Variants in PCDHGA7 observed in about 807,000 individuals in gnomAD.
The protein encoded by PCDHGA7 is protocadherin gamma subfamily A, 7, also known as protocadherin gamma-A7.
PCDHGA7 carries 44 observed loss-of-function variants against 58.3 expected under a neutral mutation model. That is an observed-to-expected ratio of 0.75 (90% CI 0.59 to 0.97). The LOEUF is 0.97. Ranked by LOEUF, PCDHGA7 falls within the 50% of genes least tolerant of loss-of-function variation. PCDHGA7 has a pLI of 0.00. For missense variants in PCDHGA7, 1,266 were observed against 1,188.7 expected, an observed-to-expected ratio of 1.06 and a Z score of -0.96; for synonymous variants, 516 against 504.2, an observed-to-expected ratio of 1.02 and a Z score of -0.31.
intron 1 of PCDHGA7, among the ~76,000 whole-genome samples, chr5:141,456,297 A>G (rs537379475): frequency 6.6e-6 from 1 of 152,274 alleles, no homozygotes; most frequent in African/African-American, 2.4e-5. Context: ...CGTCTAATGG[A>G]GAACAGCAGC....
At chr5:141,409,351 G>A (rs756967611) in intron 1 of PCDHGA7, 7 of 1,613,982 alleles carry the variant, frequency 4.3e-6, no homozygotes, top group Non-Finnish European at 5.9e-6. Flanking sequence ...GAGAAGTCAG[G>A]TGTAATATAG....
At chr5:141,385,452 G>C in intron 1 of PCDHGA7, 129 bp downstream of exon 1, 2 of 1,446,532 alleles carry the variant, frequency 1.4e-6, no homozygotes, top group Non-Finnish European at 1.8e-6. Context: ...GAGTTTACCA[G>C]TTTCCTTCAG....
intron 1 of PCDHGA7, among the ~76,000 whole-genome samples, chr5:141,446,247 A>T (rs969960822): frequency 6.6e-6 from 1 of 152,160 alleles, no homozygotes; most frequent in African/African-American, 2.4e-5. Context: ...GTAGATCTTC[A>T]GTGAAATATT....
chr5:141,414,375 G>C, intron 1 of PCDHGA7: 1 of 1,613,854 alleles, frequency 6.2e-7, no homozygotes, highest in Non-Finnish European at 8.5e-7. Flanking sequence ...AATTAGAAAA[G>C]TCCATTGACA....
chr5:141,416,990 A>C (rs912916110), intron 1 of PCDHGA7: 20 of 151,946 alleles, frequency 1.3e-4, no homozygotes, highest in African/African-American at 4.1e-4. Flanking sequence ...ATTATTGTGC[A>C]TTCATCTCAA....
chr5:141,403,434 A>G, intron 1 of PCDHGA7: 1 of 1,614,024 alleles, frequency 6.2e-7, no homozygotes, highest in Non-Finnish European at 8.5e-7. Flanking sequence ...ATTGATCCGG[A>G]TGTTGGCGTG....
intron 1 of PCDHGA7, among the ~76,000 whole-genome samples, chr5:141,465,687 T>C (rs1290838979): frequency 1.3e-5 from 2 of 152,248 alleles, no homozygotes; most frequent in Non-Finnish European, 2.9e-5. Flanking sequence ...TTGACCAGTC[T>C]GCTTTTGCAT....
chr5:141,401,890 C>T (rs2094204069), intron 1 of PCDHGA7, among the ~76,000 whole-genome samples: 1 of 152,084 alleles, frequency 6.6e-6, no homozygotes, highest in Non-Finnish European at 1.5e-5. Context: ...ATTTTGTGTT[C>T]TTTTTCCCAA....
At chr5:141,429,164 G>A (rs2097189096) in intron 1 of PCDHGA7, 1 of 131,392 alleles carries the variant, frequency 7.6e-6, no homozygotes, top group African/African-American at 3.1e-5. Flanking sequence ...CGGAGACATT[G>A]TTTATACACA....
Position 141,485,291 on chromosome 5 carries a change from CAGGA to C in PCDHGA7, c.2425-9512_2425-9509del. ...CCGCTACCCGGTCCCAGAGGAGTCA[CAGGA>C]AGGGACTTTTGTAGGGAATGTCGCT... On this transcript the variant is annotated intron_variant, in intron 1 of 3. Transcript: ENST00000518325. The surrounding 1 kb of genome is among the most constrained non-coding windows in gnomAD (Gnocchi z 5.7). 1 of 1,614,152 alleles carries C rather than the reference CAGGA, an allele frequency of 6.2e-7. No individual in the cohort carries two copies. Among genetic ancestry groups the C allele is most frequent in the Non-Finnish European group, 8.5e-7 (1 of 1,179,992 alleles).
At chr5:141,430,827 T>A in intron 1 of PCDHGA7, 1 of 1,551,000 alleles carries the variant, frequency 6.4e-7, no homozygotes, top group South Asian at 1.3e-5. Flanking sequence ...CTGGGGACTC[T>A]GTGGGAGACC....
chr5:141,423,026 G>T (rs1333695085), intron 1 of PCDHGA7: 1 of 1,614,210 alleles, frequency 6.2e-7, no homozygotes, highest in Admixed American at 1.7e-5. Context: ...AAAGATTCAG[G>T]CCAGAACGCC....
intron 1 of PCDHGA7, among the ~76,000 whole-genome samples, chr5:141,449,422 C>A (rs1041930577): frequency 4.0e-5 from 6 of 151,724 alleles, no homozygotes; most frequent in Non-Finnish European, 7.4e-5. Flanking sequence ...GCCTGGCCAA[C>A]ATGATAAAAC....
chr5:141,403,186 C>G, intron 1 of PCDHGA7: 2 of 1,614,012 alleles, frequency 1.2e-6, no homozygotes, highest in Non-Finnish European at 1.7e-6. Flanking sequence ...TCTCTCTGAA[C>G]CCGCGCAGCG....
chr5:141,422,977 G>A (rs1434523351), intron 1 of PCDHGA7: 1 of 1,614,110 alleles, frequency 6.2e-7, no homozygotes, highest in Non-Finnish European at 8.5e-7. Context: ...CCGCTCTGCG[G>A]AACCTGGCTA....
At chr5:141,507,286 TC>T in intron 3 of PCDHGA7, 1 of 149,886 alleles carries the variant, frequency 6.7e-6, no homozygotes, top group East Asian at 1.9e-4. Context: ...TAAGTCAGTC[TC>T]AAATGTTGCA....
At chr5:141,419,174 A>G (rs1283454889) in intron 1 of PCDHGA7, 1 of 1,613,840 alleles carries the variant, frequency 6.2e-7, no homozygotes, top group East Asian at 2.2e-5. Flanking sequence ...CAAAACCATA[A>G]CCCTGCACAT....
chr5:141,490,030 C>G lies in PCDHGA7; in HGVS notation c.2425-4777C>G, dbSNP rs1361758608. The G allele has an allele frequency of 1.2e-6, 2 of 1,614,150 alleles. No individual in the cohort carries two copies. Among genetic ancestry groups the G allele is most frequent in the African/African-American group, 2.7e-5 (2 of 74,936 alleles). The stretch of plus-strand genomic sequence containing the variant: ...ACCCATTGGTACTCTGCTGCTCCGC[C>G]TCAATGCCACTGATCCAGACGAGGG... On this transcript the variant is annotated intron_variant, in intron 1 of 3. Coordinates refer to ENST00000518325, the MANE Select transcript of PCDHGA7 (RefSeq NM_018920.4). This position sits in a 1 kb window ranked among gnomAD's most constrained non-coding sequence, Gnocchi z 5.4.
chr5:141,419,117 G>T (rs1362880648), intron 1 of PCDHGA7: 1 of 1,613,718 alleles, frequency 6.2e-7, no homozygotes, highest in African/African-American at 1.3e-5. Context: ...AGAGTACAAC[G>T]TCACCATCGC....
Sources: gnomAD v4.1 joint callset for allele counts (sites outside exome capture counted in the v4.1 genomes callset) on GRCh38, gnomAD v4.1.1 for gene constraint, Gnocchi (gnomAD v3.1) non-coding constraint, MANE v1.5 for transcripts, NCBI Gene and HGNC (gene_info 2026-07-23, HGNC 2026-07-21) for gene names.